The following SLC2A9 variants were observed in gnomAD, a reference collection of about 807,000 sequenced individuals.
SLC2A9 encodes solute carrier family 2, facilitated glucose transporter member 9.
Under a neutral mutation model 50.6 loss-of-function variants are expected in SLC2A9, and 39 were observed. The observed-to-expected ratio is 0.77, with a 90% CI of 0.60 to 1.01. The LOEUF is 1.01. Among genes scored for constraint, SLC2A9 ranks in the 50% least tolerant of loss-of-function variants. The probability of loss-of-function intolerance (pLI) is 0.00; values close to 1 mark genes in which losing one functional copy is unlikely to be tolerated. For missense variants in SLC2A9, 686 were observed against 677.6 expected, an observed-to-expected ratio of 1.01 and a Z score of -0.14; for synonymous variants, 324 against 276.9, an observed-to-expected ratio of 1.17 and a Z score of -1.69.
At chr4:9,811,462 C>T (rs1466485103) in intron 3 of SLC2A9, among the ~76,000 whole-genome samples, 3 of 152,190 alleles carry the variant, frequency 2.0e-5, no homozygotes, top group Non-Finnish European at 4.4e-5. Context: ...CAGGCTGGGG[C>T]CTTTTGGAGA....
At chr4:9,776,169 G>A (rs1437950503), downstream of SLC2A9, among the ~76,000 whole-genome samples, 1 of 150,502 alleles carries the variant, frequency 6.6e-6, no homozygotes, top group African/African-American at 2.5e-5. Flanking sequence ...GAGGTGCTGA[G>A]GAAAGAAGTC....
At chr4:9,949,632 T>C (rs1359722686) in intron 5 of SLC2A9, among the ~76,000 whole-genome samples, 1 of 152,168 alleles carries the variant, frequency 6.6e-6, no homozygotes, top group Non-Finnish European at 1.5e-5. Context: ...TCCTCAGATC[T>C]GCAGTTCCTG....
chr4:9,873,477 T>C (rs866618218), intron 10 of SLC2A9, among the ~76,000 whole-genome samples: 2 of 152,228 alleles, frequency 1.3e-5, no homozygotes, highest in Admixed American at 1.3e-4. Context: ...CTTTGGCTGA[T>C]AGAATGCAGC....
upstream of SLC2A9, among the ~76,000 whole-genome samples, chr4:10,022,716 C>G (rs1763588534): frequency 6.6e-6 from 1 of 152,176 alleles, no homozygotes; most frequent in African/African-American, 2.4e-5. Context: ...AAAAAGCACA[C>G]AATAAAATAA....
At chr4:9,905,984 G>A (rs1740592398) in intron 8 of SLC2A9, among the ~76,000 whole-genome samples, 1 of 152,158 alleles carries the variant, frequency 6.6e-6, no homozygotes, top group Admixed American at 6.5e-5. Context: ...GTAAAATCCT[G>A]CTCTCCACAA....
Position 9,887,443 on chromosome 4 carries a change from C to G in SLC2A9, c.1291+124G>C. 4 of 889,968 alleles carry G rather than the reference C, an allele frequency of 4.5e-6. No individual in the cohort carries two copies. The South Asian group carries it at 7.0e-5, about 16-fold the overall frequency. The allele number at this position is 889,968 out of a possible 1,614,324, so 55.1% of individuals were successfully genotyped here. A position where few individuals can be genotyped will look rare whatever the true frequency, so the allele number is the denominator to read the frequency against. On this transcript the variant is annotated intron_variant, in intron 10 of 11. Coordinates refer to ENST00000264784, the MANE Select transcript of SLC2A9 (RefSeq NM_020041.3). ...TGGGCCAAAAGAAAGGCAGCAGACA[C>G]ACATCCCCAGTCAGGCTTTGCTTCT...
chr4:9,794,932 A>G (rs929343473), downstream of SLC2A9, among the ~76,000 whole-genome samples: 3 of 151,068 alleles, frequency 2.0e-5, no homozygotes, highest in Non-Finnish European at 4.4e-5. Context: ...ATCACCAAAG[A>G]TGATAGCCAA....
At chr4:9,867,466 A>C (rs748291650) in intron 10 of SLC2A9, among the ~76,000 whole-genome samples, 2 of 152,240 alleles carry the variant, frequency 1.3e-5, no homozygotes, top group African/African-American at 4.8e-5. Context: ...CTTGGCCCAT[A>C]ATAAGTACTC....
intron 3 of SLC2A9, among the ~76,000 whole-genome samples, chr4:9,816,125 G>A (rs920054953): frequency 3.3e-5 from 5 of 152,120 alleles, no homozygotes; most frequent in African/African-American, 1.2e-4. Flanking sequence ...AGCTGAAATT[G>A]CACCACTGCA....
rs187849080 is a variant in SLC2A9, at chr4:9,859,566, C to G, written c.1292-24558G>C. 2.6e-4 allele frequency among the ~76,000 whole-genome samples: 39 copies of G among 152,334 alleles called. No individual in the cohort carries two copies. The East Asian group carries it at 6.9e-3, about 27-fold the overall frequency. ...AAGTGAGGGAGCATAGAGACTGAAG[C>G]CCTTGTTCAGATTAAAACAGGAGAT... On this transcript the variant is annotated intron_variant, in intron 10 of 11. Transcript: ENST00000264784.
rs79707209 is a variant in SLC2A9, at chr4:9,807,206, C to T, written n.421-7965G>A. 5.7e-3 allele frequency among the ~76,000 whole-genome samples: 874 copies of T among 152,308 alleles called. 30 individuals carry two copies. In the East Asian group the frequency reaches 0.08, roughly 14 times the overall value. Reference sequence around the variant, plus strand: ...GCACCCCTCTGTCCTTTGTCACTTGCTATGGTCCTCACTCAGGGCTGTGGC... The same window carrying T: ...GCACCCCTCTGTCCTTTGTCACTTGTTATGGTCCTCACTCAGGGCTGTGGC... On this transcript the variant is annotated intron_variant and non_coding_transcript_variant, in intron 3 of 3. Transcript: ENST00000503280.
intron 2 of SLC2A9, among the ~76,000 whole-genome samples, chr4:10,018,552 A>ATAGATAGATGATAGC: frequency 6.9e-6 from 1 of 144,528 alleles, no homozygotes; most frequent in Non-Finnish European, 1.5e-5. Flanking sequence ...AAGATGATAG[A>ATAGATAGATGATAGC]TAGATAGATA....
chr4:10,000,778 C>T (rs1324719984), intron 2 of SLC2A9, among the ~76,000 whole-genome samples: 1 of 152,134 alleles, frequency 6.6e-6, no homozygotes, highest in East Asian at 1.9e-4. Context: ...GGAATGGGAC[C>T]CATCAGCCTG....
At chr4:9,973,691 T>A (rs1754290365) in intron 5 of SLC2A9, among the ~76,000 whole-genome samples, 1 of 109,514 alleles carries the variant, frequency 9.1e-6, no homozygotes, top group Admixed American at 1.4e-4. Flanking sequence ...AAGGGGAACA[T>A]CACACACTGG....
At chr4:9,984,028 T>C (rs1241713363) in intron 4 of SLC2A9, among the ~76,000 whole-genome samples, 1 of 152,218 alleles carries the variant, frequency 6.6e-6, no homozygotes, top group Admixed American at 6.5e-5. Context: ...ATGAACACAG[T>C]TGGTCAGTTA....
intron 7 of SLC2A9, among the ~76,000 whole-genome samples, chr4:9,915,583 A>G (rs1742716067): frequency 6.6e-6 from 1 of 152,194 alleles, no homozygotes; most frequent in Non-Finnish European, 1.5e-5. Context: ...ACCACTCTAC[A>G]GCTGGGGAAA....
intron 3 of SLC2A9, among the ~76,000 whole-genome samples, chr4:9,989,182 C>T (rs1318341855): frequency 6.6e-6 from 1 of 152,174 alleles, no homozygotes; most frequent in African/African-American, 2.4e-5. Context: ...TGCCCATCCA[C>T]CCCCTTTCAT....
At chr4:9,851,517 G>C (rs779519240) in intron 10 of SLC2A9, among the ~76,000 whole-genome samples, 3 of 152,184 alleles carry the variant, frequency 2.0e-5, no homozygotes, top group Non-Finnish European at 4.4e-5. Context: ...AAAAGCCAGA[G>C]TATCTTTTTA....
chr4:9,841,442 C>A (rs1328664650), intron 10 of SLC2A9, among the ~76,000 whole-genome samples: 1 of 152,150 alleles, frequency 6.6e-6, no homozygotes, highest in Non-Finnish European at 1.5e-5. Context: ...GCATTGTCCT[C>A]CATTTCTCTT....
Sources: allele counts gnomAD v4.1 joint callset (sites outside exome capture counted in the v4.1 genomes callset), GRCh38; gene constraint gnomAD v4.1.1; transcripts MANE v1.5; gene names NCBI Gene and HGNC (gene_info 2026-07-23, HGNC 2026-07-21).